Variants in ITCH observed in about 807,000 individuals in gnomAD.
ITCH encodes the protein itchy E3 ubiquitin protein ligase.
Under a neutral mutation model 126.8 loss-of-function variants are expected in ITCH, and 28 were observed. The ratio of observed to expected loss-of-function variants is 0.22; its 90% confidence interval spans 0.16 to 0.30. ITCH has a LOEUF of 0.30. Ranked by LOEUF, ITCH falls within the 10% of genes least tolerant of loss-of-function variation. The probability of loss-of-function intolerance (pLI) is 1.00; values close to 1 mark genes in which losing one functional copy is unlikely to be tolerated. For synonymous variants in ITCH, 342 were observed against 340.0 expected (o/e 1.01, Z -0.06); for missense variants, 631 against 1,032.4 (o/e 0.61, Z 5.33).
At chr20:34,403,704 A>G (rs2038960887) in intron 3 of ITCH, among the ~76,000 whole-genome samples, 1 of 152,210 alleles carries the variant, frequency 6.6e-6, no homozygotes, top group Non-Finnish European at 1.5e-5. Flanking sequence ...CTCTGGAAGC[A>G]TGGAGGTGGA....
At chr20:34,373,346 G>A (rs1439515548) in intron 2 of ITCH, among the ~76,000 whole-genome samples, 4 of 151,472 alleles carry the variant, frequency 2.6e-5, no homozygotes, top group African/African-American at 9.7e-5. Context: ...TGTAATCTTG[G>A]CTCACTGCAA....
intron 3 of ITCH, among the ~76,000 whole-genome samples, chr20:34,395,432 G>A (rs1197461371): frequency 1.3e-5 from 2 of 152,116 alleles, no homozygotes; most frequent in African/African-American, 4.8e-5. Flanking sequence ...AGCTGCAGGG[G>A]TCAGAGAGAC....
At chr20:34,475,310 G>C (rs1988091738) in intron 16 of ITCH, among the ~76,000 whole-genome samples, 1 of 152,170 alleles carries the variant, frequency 6.6e-6, no homozygotes, top group Non-Finnish European at 1.5e-5. Flanking sequence ...AGGCGGCTGG[G>C]AGGTGGAGGT....
intron 7 of ITCH, among the ~76,000 whole-genome samples, chr20:34,427,579 C>A (rs761733966): frequency 2.0e-5 from 3 of 152,044 alleles, no homozygotes; most frequent in Non-Finnish European, 2.9e-5. Flanking sequence ...TGCCACTGTA[C>A]TCAGAGTGAT....
In ITCH at chr20:34,455,644, C is replaced by CT. The variant is rs1243555706; in HGVS notation, c.1211-1740dup. Among the ~76,000 whole-genome samples the CT allele has an allele frequency of 3.7e-3, 495 of 133,424 alleles. 3 individuals carry two copies. The highest frequency in any genetic ancestry group is 0.013 in the African/African-American group (467 of 35,378). The allele number at this position is 133,424 out of a possible 152,430, so 87.5% of individuals were successfully genotyped here. On this transcript the variant is annotated intron_variant, in intron 12 of 24. Coordinates refer to ENST00000374864, the MANE Select transcript of ITCH (RefSeq NM_031483.7). The stretch of plus-strand genomic sequence containing the variant: ...TGCCTGGCTAATTTTTTTTTTTTTT[C>CT]TTTTTTGTATTTTAGTAGAGACGGG...
chr20:34,449,630 T>G, intron 12 of ITCH, 150 bp downstream of exon 12: 2 of 624,300 alleles, frequency 3.2e-6, no homozygotes, highest in Non-Finnish European at 5.7e-6. Flanking sequence ...TATATCAGTT[T>G]AATTCACAAA....
In ITCH at chr20:34,462,281, A is replaced by G. The variant is rs1432938822; in HGVS notation, c.1424+60A>G. On this transcript the variant is annotated intron_variant, in intron 14 of 24. Coordinates refer to ENST00000374864, the MANE Select transcript of ITCH (RefSeq NM_031483.7). ...ATACTAGTCCTTCAGATTTTGATAT[A>G]AAGATTTGTATTAGCAAGGAGTGGA... 1.5e-5 allele frequency: 23 copies of G among 1,539,634 alleles called. No homozygotes were observed. The East Asian group carries it at 4.3e-4, about 29-fold the overall frequency.
chr20:34,495,316 T>TACAC (rs1555885679), intron 23 of ITCH, among the ~76,000 whole-genome samples: 38,026 of 127,764 alleles, frequency 0.3, 6,079 homozygotes, highest in Middle Eastern at 0.36. Context: ...TATATATATA[T>TACAC]ACACACGCAC....
chr20:34,486,204 G>A (rs1989099759), intron 20 of ITCH, among the ~76,000 whole-genome samples: 1 of 151,866 alleles, frequency 6.6e-6, no homozygotes, highest in Non-Finnish European at 1.5e-5. Flanking sequence ...TTTATTGTAG[G>A]AGATGGGTCT....
intron 3 of ITCH, among the ~76,000 whole-genome samples, chr20:34,398,400 C>A (rs1325893199): frequency 2.0e-5 from 3 of 151,214 alleles, no homozygotes; most frequent in African/African-American, 7.3e-5. Context: ...CTAAAATATT[C>A]TTTTTCTTTT....
intron 12 of ITCH, chr20:34,450,817 C>T (rs1600371001): frequency 6.6e-6 from 1 of 152,160 alleles, no homozygotes; most frequent in East Asian, 1.9e-4. Context: ...GTGTCAAGAT[C>T]ACATGAGTCT....
chr20:34,403,942 G>A (rs1405386213), intron 3 of ITCH, among the ~76,000 whole-genome samples: 1 of 152,122 alleles, frequency 6.6e-6, no homozygotes, highest in Non-Finnish European at 1.5e-5. Flanking sequence ...GTAGGAGGCT[G>A]GAAGGGTAAG....
At chr20:34,479,995 CTCAG>C (rs897272192) in intron 18 of ITCH, among the ~76,000 whole-genome samples, 90 of 152,142 alleles carry the variant, frequency 5.9e-4, no homozygotes, top group African/African-American at 2.1e-3. Flanking sequence ...GCTTCCTGGA[CTCAG>C]TCAGTTCTCC....
intron 2 of ITCH, among the ~76,000 whole-genome samples, chr20:34,370,131 G>C (rs999231006): frequency 6.6e-6 from 1 of 150,834 alleles, no homozygotes; most frequent in East Asian, 2.0e-4. Context: ...AAGACAACAT[G>C]GTTCAGTGCA....
chr20:34,479,404 A>AT (rs1207214609), intron 17 of ITCH, among the ~76,000 whole-genome samples: 3 of 152,190 alleles, frequency 2.0e-5, no homozygotes, highest in Admixed American at 1.3e-4. Flanking sequence ...GTTGTCTTAG[A>AT]TTTTTTGAAA....
intron 1 of ITCH, among the ~76,000 whole-genome samples, chr20:34,366,143 G>C (rs1267459090): frequency 6.6e-6 from 1 of 152,126 alleles, no homozygotes; most frequent in Non-Finnish European, 1.5e-5. Context: ...TAAATTCAGA[G>C]GATTATGGAA....
At chr20:34,485,766 T>C (rs1989061562) in intron 20 of ITCH, among the ~76,000 whole-genome samples, 1 of 152,220 alleles carries the variant, frequency 6.6e-6, no homozygotes, top group African/African-American at 2.4e-5. Context: ...CACTGCAGTC[T>C]TAAACTCCTG....
chr20:34,379,894 G>C (rs1284215272), intron 2 of ITCH, among the ~76,000 whole-genome samples: 2 of 98,170 alleles, frequency 2.0e-5, no homozygotes, highest in African/African-American at 4.1e-5. Context: ...ACTGCACCCG[G>C]CCCCCCCCCC....
At chr20:34,448,352 C>G (rs1271107113) in intron 11 of ITCH, among the ~76,000 whole-genome samples, 1 of 151,482 alleles carries the variant, frequency 6.6e-6, no homozygotes, top group Non-Finnish European at 1.5e-5. Context: ...GAGATCGTGC[C>G]ACTGTACTCC....
Sources: gnomAD v4.1 joint callset for allele counts (sites outside exome capture counted in the v4.1 genomes callset) on GRCh38, gnomAD v4.1.1 for gene constraint, MANE v1.5 for transcripts, NCBI Gene and HGNC (gene_info 2026-07-23, HGNC 2026-07-21) for gene names.